The following SPAG16 variants were observed in gnomAD, a reference collection of about 807,000 sequenced individuals.
SPAG16 encodes sperm associated antigen 16.
In SPAG16, 86 loss-of-function variants were observed where a neutral mutation model predicts 80.4. The ratio of observed to expected loss-of-function variants is 1.07; its 90% CI spans 0.90 to 1.28. The LOEUF is 1.28. SPAG16 is among the 50% of genes most tolerant of loss of function. The pLI, the probability that SPAG16 is intolerant of heterozygous loss-of-function variation, is 0.00. For missense variants in SPAG16, 870 were observed against 765.3 expected, an observed-to-expected ratio of 1.14 and a Z score of -1.61; for synonymous variants, 294 against 265.9, an observed-to-expected ratio of 1.11 and a Z score of -1.03.
At chr2:213,286,922 A>G in intron 1 of SPAG16, among the ~76,000 whole-genome samples, 1 of 152,232 alleles carries the variant, frequency 6.6e-6, no homozygotes, top group East Asian at 1.9e-4. Flanking sequence ...CATGTCCTTT[A>G]TAATGGTTTA....
chr2:214,149,297 TA>T, intron 15 of SPAG16, 31 bp downstream of exon 15: 1 of 1,490,798 alleles, frequency 6.7e-7, no homozygotes, highest in Admixed American at 2.1e-5. Context: ...TGTTTCTGAC[TA>T]AGCCAATAAC....
At chr2:214,137,422 T>A (rs1177030075) in intron 14 of SPAG16, among the ~76,000 whole-genome samples, 1 of 152,136 alleles carries the variant, frequency 6.6e-6, no homozygotes, top group African/African-American at 2.4e-5. Context: ...TATAGTTTTA[T>A]ATATTTGTGT....
intron 10 of SPAG16, among the ~76,000 whole-genome samples, chr2:213,652,789 C>T (rs2063070492): frequency 6.6e-6 from 1 of 152,002 alleles, no homozygotes; most frequent in South Asian, 2.1e-4. Context: ...TTTACAAATA[C>T]ACACTCTCAA....
intron 10 of SPAG16, among the ~76,000 whole-genome samples, chr2:213,752,811 A>G (rs1423590596): frequency 1.3e-5 from 2 of 152,200 alleles, no homozygotes; most frequent in African/African-American, 4.8e-5. Flanking sequence ...TAGGAAGACT[A>G]TCAATTTGTT....
intron 12 of SPAG16, among the ~76,000 whole-genome samples, chr2:213,950,734 G>GAAAAAAA (rs1195942716): frequency 9.2e-5 from 11 of 119,318 alleles, no homozygotes; most frequent in Non-Finnish European, 1.6e-4. Context: ...CCCTCAAGAC[G>GAAAAAAA]GTCTTGCTCT....
chr2:214,088,208 A>G (rs973412644), intron 13 of SPAG16, among the ~76,000 whole-genome samples: 2 of 151,370 alleles, frequency 1.3e-5, no homozygotes, highest in Non-Finnish European at 2.9e-5. Context: ...AAAATATTGG[A>G]AAAAAAAATT....
intron 10 of SPAG16, among the ~76,000 whole-genome samples, chr2:213,525,209 T>G (rs1422047389): frequency 6.6e-6 from 1 of 152,024 alleles, no homozygotes; most frequent in Non-Finnish European, 1.5e-5. Flanking sequence ...GCTTTCCTTT[T>G]GACCAGGTAT....
chr2:213,307,197 T>A (rs550763127), intron 3 of SPAG16, among the ~76,000 whole-genome samples: 16 of 152,236 alleles, frequency 1.1e-4, no homozygotes, highest in Admixed American at 2.0e-4. Context: ...TGTTTTTTTT[T>A]ATTTTTTTTA....
At chr2:213,425,567 G>A (rs907291342) in intron 9 of SPAG16, among the ~76,000 whole-genome samples, 1 of 150,216 alleles carries the variant, frequency 6.7e-6, no homozygotes, top group East Asian at 2.0e-4. Context: ...CAGGGGAATT[G>A]CTTGAACCAG....
intron 4 of SPAG16, among the ~76,000 whole-genome samples, chr2:213,313,145 C>T (rs1241446094): frequency 1.3e-5 from 2 of 151,776 alleles, no homozygotes; most frequent in Non-Finnish European, 2.9e-5. Context: ...TTCTACATAA[C>T]ATAAAAGTTA....
intron 12 of SPAG16, among the ~76,000 whole-genome samples, chr2:213,960,949 G>T (rs1049003456): frequency 1.3e-5 from 2 of 152,112 alleles, no homozygotes; most frequent in African/African-American, 2.4e-5. Flanking sequence ...GGTATTTGGG[G>T]AATACGCTTC....
At chr2:214,143,873 T>A (rs2055495646) in intron 14 of SPAG16, among the ~76,000 whole-genome samples, 1 of 152,100 alleles carries the variant, frequency 6.6e-6, no homozygotes, top group Admixed American at 6.6e-5. Flanking sequence ...TAAAGTCTCA[T>A]GAGACTGGGC....
At chr2:213,789,699 A>G (rs2070568625) in intron 10 of SPAG16, among the ~76,000 whole-genome samples, 1 of 151,900 alleles carries the variant, frequency 6.6e-6, no homozygotes, top group African/African-American at 2.4e-5. Flanking sequence ...GTTTTCTTGT[A>G]TCTCCATTAT....
intron 10 of SPAG16, among the ~76,000 whole-genome samples, chr2:213,846,797 C>G (rs2074650427): frequency 6.6e-6 from 1 of 152,154 alleles, no homozygotes; most frequent in Non-Finnish European, 1.5e-5. Flanking sequence ...GACTTAAACA[C>G]TAATTTATCG....
At chr2:214,377,620 G>A (rs866810949) in intron 15 of SPAG16, among the ~76,000 whole-genome samples, 2 of 148,268 alleles carry the variant, frequency 1.3e-5, no homozygotes, top group South Asian at 2.1e-4. Context: ...TATTGGTAAC[G>A]CTTCCAACCA....
chr2:214,048,349 A>C (rs1156459025), intron 13 of SPAG16, among the ~76,000 whole-genome samples: 2 of 152,180 alleles, frequency 1.3e-5, no homozygotes, highest in Admixed American at 6.5e-5. Flanking sequence ...AATGTGGTAC[A>C]TTTACAGAAT....
chr2:213,299,514 G>A (rs1304868173), intron 3 of SPAG16, among the ~76,000 whole-genome samples: 10 of 151,428 alleles, frequency 6.6e-5, no homozygotes, highest in African/African-American at 2.2e-4. Context: ...TCCTGACCTC[G>A]TGATCCACCT....
At chr2:213,324,478 G>GA (rs2063760634) in intron 5 of SPAG16, among the ~76,000 whole-genome samples, 2 of 152,096 alleles carry the variant, frequency 1.3e-5, no homozygotes, top group South Asian at 4.1e-4. Context: ...CTTTAGATTA[G>GA]TTTTGTTTGA....
chr2:213,949,178 T>TTTTTTTTTTTTTTGTTTTTTTTTTTTG (rs2079607696), intron 12 of SPAG16, among the ~76,000 whole-genome samples: 3 of 19,152 alleles, frequency 1.6e-4, no homozygotes, highest in African/African-American at 1.9e-4. Context: ...AGTTTTTTTT[T>TTTTTTTTTTTTTTGTTTTTTTTTTTTG]TTTTTTTTTT....
Sources: gnomAD v4.1 joint callset for allele counts (sites outside exome capture counted in the v4.1 genomes callset) on GRCh38, gnomAD v4.1.1 for gene constraint, MANE v1.5 for transcripts, NCBI Gene and HGNC (gene_info 2026-07-23, HGNC 2026-07-21) for gene names.